The following ZNF43 variants were observed in gnomAD, a reference collection of about 807,000 sequenced individuals.
The protein encoded by ZNF43 is zinc finger protein 39-like 1 (KOX 27).
In ZNF43, 44 loss-of-function variants were observed where a neutral mutation model predicts 68.4. That is an observed-to-expected ratio of 0.64 (90% CI 0.51 to 0.83). The LOEUF (loss-of-function observed/expected upper bound fraction) is 0.83. Among genes scored for constraint, ZNF43 ranks in the 40% least tolerant of loss-of-function variants. The pLI is 0.00. For synonymous variants in ZNF43, 308 were observed against 307.8 expected (o/e 1.00, Z -0.01); for missense variants, 896 against 933.2 (o/e 0.96, Z 0.52).
upstream of ZNF43, among the ~76,000 whole-genome samples, chr19:21,838,390 C>G (rs955356361): frequency 5.5e-5 from 8 of 144,948 alleles, no homozygotes; most frequent in Admixed American, 4.1e-4. Flanking sequence ...TCAGAATAGC[C>G]CATTCTAAAT....
At position 21,809,292 on chromosome 19, in the gene ZNF43, T is replaced by A; in HGVS notation, c.745A>T (p.Lys249Ter). 6.2e-7 allele frequency: 1 copy of A among 1,613,688 alleles called. No homozygotes were observed. The highest frequency in any genetic ancestry group is 2.2e-5 in the East Asian group (1 of 44,838). The part of the protein sequence containing the change: ...FNWSSRLTTH[K>*]KNYTRYKLYK... The stretch of plus-strand genomic sequence containing the variant: ...AGTTTGTATCTAGTATAATTTTTTT[T>A]ATGTGTAGTAAGGCGTGAGGACCAA... The change falls in exon 4 of 4, where the codon AAA becomes TAA. Residue 249 changes from lysine (K) to a stop codon, truncating the protein, a stop_gained. Coordinates refer to ENST00000354959, the MANE Select transcript of ZNF43 (RefSeq NM_003423.4). LOFTEE classifies it high-confidence loss of function.
chr19:21,818,288 A>G (rs2037627608), intron 2 of ZNF43, among the ~76,000 whole-genome samples: 2 of 152,132 alleles, frequency 1.3e-5, no homozygotes, highest in South Asian at 4.1e-4. Context: ...TTTTTAGTAG[A>G]GACAGGGTTT....
rs1041190380 is a variant in ZNF43, at chr19:21,806,818, C to T, written c.*789G>A. On this transcript the variant is annotated 3_prime_UTR_variant, in exon 4 of 4. Coordinates refer to ENST00000354959, the MANE Select transcript of ZNF43 (RefSeq NM_003423.4). ...TTTAGTGTAATGTCTGAAGTGTCCG[C>T]GCCTTAGATATTTCTACTGTGAATT... 7.9e-5 allele frequency: 12 copies of T among 152,076 alleles called. No individual in the cohort carries two copies. Among genetic ancestry groups the T allele is most frequent in the Non-Finnish European group, 1.3e-4 (9 of 68,034 alleles). 9.4% of individuals were successfully genotyped at this position (152,076 alleles called of 1,614,324 possible).
At chr19:21,848,655 A>T (rs1305649357) in intron 1 of ZNF43, among the ~76,000 whole-genome samples, 1 of 152,182 alleles carries the variant, frequency 6.6e-6, no homozygotes, top group African/African-American at 2.4e-5. Context: ...CTGGGACCAG[A>T]CAGGAAACTG....
chr19:21,833,666 A>G (rs1036769823), intron 1 of ZNF43, among the ~76,000 whole-genome samples: 13 of 152,072 alleles, frequency 8.5e-5, no homozygotes, highest in Non-Finnish European at 1.9e-4. Context: ...AAAACAACAA[A>G]ATGAAGTGTG....
At chr19:21,819,020 A>T in intron 2 of ZNF43, 75 bp downstream of exon 2, 1 of 1,535,338 alleles carries the variant, frequency 6.5e-7, no homozygotes. Context: ...ATAAATTACC[A>T]AAAAAACAGT....
upstream of ZNF43, among the ~76,000 whole-genome samples, chr19:21,837,415 C>CTTTTTTT (rs539940868): frequency 9.5e-5 from 8 of 83,982 alleles, no homozygotes; most frequent in Non-Finnish European, 1.5e-4. Context: ...CCTACACTTA[C>CTTTTTTT]TTTTTTTTTT....
At position 21,835,044 on chromosome 19, in the gene ZNF43, C is replaced by T. The variant is rs1323862009; in HGVS notation, c.3+992G>A. ...GGTGGATCATCTGAGCTCAGGAGTT[C>T]GAGACCACCTGGCCAATATAGTGAA... On this transcript the variant is annotated intron_variant, in intron 1 of 3. Coordinates refer to ENST00000354959, the MANE Select transcript of ZNF43 (RefSeq NM_003423.4). Among the ~76,000 whole-genome samples the T allele has an allele frequency of 2.0e-5, 3 of 148,568 alleles. No homozygotes were observed. In the East Asian group the frequency reaches 6.0e-4, roughly 30 times the overall value.
upstream of ZNF43, among the ~76,000 whole-genome samples, chr19:21,837,380 A>G (rs546185690): frequency 6.6e-6 from 1 of 150,954 alleles, no homozygotes; most frequent in African/African-American, 2.4e-5. Context: ...TTGTGTAAAC[A>G]GATGTGTATT....
intron 1 of ZNF43, among the ~76,000 whole-genome samples, chr19:21,848,923 T>C (rs1219660767): frequency 2.0e-5 from 3 of 152,184 alleles, no homozygotes; most frequent in African/African-American, 7.2e-5. Context: ...TTCTCATTGG[T>C]TCAGATTGAA....
intron 1 of ZNF43, among the ~76,000 whole-genome samples, chr19:21,834,938 C>A (rs2038625070): frequency 1.5e-5 from 2 of 132,310 alleles, no homozygotes; most frequent in Non-Finnish European, 1.6e-5. Flanking sequence ...CTAAAATGTA[C>A]ACTAAAAAAA....
rs2037057917 is a variant in ZNF43, at chr19:21,808,197, T to G, written c.1840A>C (p.Lys614Gln). The G allele has an allele frequency of 6.2e-7, 1 of 1,613,256 alleles. No homozygotes were observed. The highest frequency in any genetic ancestry group is 8.5e-7 in the Non-Finnish European group (1 of 1,179,678). ...TQSSNLTTHK[K>Q]IHTGGKPYKC... ...TAGGGTTTTCCTCCAGTATGAATTT[T>G]TTTATGTGTAGTAAGGTTTGAAGAT... The change falls in exon 4 of 4, where the codon AAA becomes CAA. Residue 614 changes from lysine (K) to glutamine (Q), a missense_variant. Lys to Gln is a moderately conservative substitution (Grantham distance 53). Transcript: ENST00000354959.
At chr19:21,848,058 G>T (rs1374786987) in intron 1 of ZNF43, among the ~76,000 whole-genome samples, 1 of 152,038 alleles carries the variant, frequency 6.6e-6, no homozygotes, top group East Asian at 1.9e-4. Flanking sequence ...GACCTCAGGT[G>T]ATGCACCCGC....
intron 1 of ZNF43, among the ~76,000 whole-genome samples, chr19:21,820,327 C>T (rs1262416356): frequency 1.3e-5 from 1 of 78,622 alleles, no homozygotes; most frequent in East Asian, 2.6e-4. Context: ...CACCTATAAT[C>T]CCAGCACTTT....
intron 1 of ZNF43, chr19:21,851,018 T>C (rs1968313757): frequency 6.6e-6 from 1 of 152,254 alleles, no homozygotes; most frequent in South Asian, 2.1e-4. Flanking sequence ...CTCCTGTATG[T>C]TGGGTCTGTC....
intron 3 of ZNF43, among the ~76,000 whole-genome samples, chr19:21,816,044 G>C (rs1037341828): frequency 5.1e-4 from 76 of 150,492 alleles, no homozygotes; most frequent in African/African-American, 1.8e-3. Flanking sequence ...CTGGGCAACA[G>C]AGCGAGACTC....
chr19:21,839,327 C>A (rs373652392), upstream of ZNF43, among the ~76,000 whole-genome samples: 1 of 73,594 alleles, frequency 1.4e-5, no homozygotes, highest in Non-Finnish European at 2.4e-5. Flanking sequence ...ATGCAGAGAT[C>A]AGGCAAAAAA....
At chr19:21,833,325 G>A (rs1191482660) in intron 1 of ZNF43, among the ~76,000 whole-genome samples, 1 of 152,030 alleles carries the variant, frequency 6.6e-6, no homozygotes, top group African/African-American at 2.4e-5. Flanking sequence ...TGAGTACAAT[G>A]GCGCGACCTC....
At chr19:21,833,784 T>C (rs1021028831) in intron 1 of ZNF43, among the ~76,000 whole-genome samples, 1 of 151,586 alleles carries the variant, frequency 6.6e-6, no homozygotes, top group Admixed American at 6.6e-5. Context: ...TCTCAGCACT[T>C]TGGGAGGCCG....
Sources: gnomAD v4.1 joint callset for allele counts (sites outside exome capture counted in the v4.1 genomes callset) on GRCh38, gnomAD v4.1.1 for gene constraint, MANE v1.5 for transcripts, NCBI Gene and HGNC (gene_info 2026-07-23, HGNC 2026-07-21) for gene names.